The following STAU2 variants were observed in gnomAD, a reference collection of about 807,000 sequenced individuals.
STAU2 encodes the protein double-stranded RNA-binding protein Staufen homolog 2.
A neutral mutation model predicts 65.9 loss-of-function variants in STAU2; 20 were observed. The observed-to-expected ratio is 0.30, with a 90% CI of 0.21 to 0.44. The LOEUF is 0.44. Ranked by LOEUF, STAU2 falls within the 20% of genes least tolerant of loss-of-function variation. STAU2 has a pLI of 1.00. For synonymous variants in STAU2, 232 were observed against 233.9 expected, an observed-to-expected ratio of 0.99 and a Z score of 0.07; for missense variants, 558 against 683.9, an observed-to-expected ratio of 0.82 and a Z score of 2.05.
At chr8:73,603,967 T>A in intron 9 of STAU2, 104 bp from the exon 10 acceptor site, 1 of 1,220,580 alleles carries the variant, frequency 8.2e-7, no homozygotes, top group Non-Finnish European at 1.1e-6. Context: ...ACCCCAAAAC[T>A]GTGACTAGAA....
At position 73,552,149 on chromosome 8, in the gene STAU2, C is replaced by A; in HGVS notation, c.1393G>T (p.Ala465Ser). Residue 465 changes from alanine to serine, a missense_variant, in exon 13 of 15, where the codon GCC becomes TCC. By Grantham distance (99) the Ala-to-Ser change is moderately conservative. Around this residue, in one of 3 missense-constraint regions of STAU2, gnomAD observed 247 missense variants for 270.1 expected, o/e 0.91. Transcript: ENST00000524300. Reference protein sequence around the residue: ...SPTSNSSATIARELLMNGTSS... With the variant: ...SPTSNSSATISRELLMNGTSS... ...GTTCCATTCATAAGGAGTTCCCTGG[C>A]AATTGTAGCTGAACTATTCGATGTG... 1.2e-6 allele frequency: 2 copies of A among 1,613,898 alleles called. No individual in the cohort carries two copies. The highest frequency in any genetic ancestry group is 1.7e-6 in the Non-Finnish European group (2 of 1,179,860).
chr8:73,507,821 C>A (rs1822158437), intron 13 of STAU2, among the ~76,000 whole-genome samples: 1 of 152,190 alleles, frequency 6.6e-6, no homozygotes, highest in Admixed American at 6.5e-5. Context: ...TAACTTGCTG[C>A]AGCTTCTACA....
Position 73,673,092 on chromosome 8 carries a change from A to G in STAU2, c.410+15T>C, listed in dbSNP as rs115226636. The G allele has an allele frequency of 1.1e-3, 1,769 of 1,541,182 alleles. 21 individuals carry two copies. In the African/African-American group the frequency reaches 0.02, roughly 17 times the overall value. The stretch of plus-strand genomic sequence containing the variant: ...AAATAATAATTAAGAACAAAACCAA[A>G]AAAGACATACAAACCTCTGATTGTA... On this transcript the variant is annotated intron_variant, in intron 6 of 14. Coordinates refer to ENST00000524300, the MANE Select transcript of STAU2 (RefSeq NM_001164380.2).
At chr8:73,524,082 A>T (rs1433997179) in intron 13 of STAU2, among the ~76,000 whole-genome samples, 2 of 152,160 alleles carry the variant, frequency 1.3e-5, no homozygotes, top group African/African-American at 4.8e-5. Flanking sequence ...CAGTGGAGCA[A>T]AGGTAGAAAA....
chr8:73,737,222 G>A (rs890785400), intron 3 of STAU2, among the ~76,000 whole-genome samples: 8 of 151,056 alleles, frequency 5.3e-5, no homozygotes, highest in Non-Finnish European at 1.0e-4. Context: ...CCAGGGTGGA[G>A]TGCAATGGCA....
chr8:73,668,120 G>T (rs1484428750), intron 6 of STAU2, among the ~76,000 whole-genome samples: 1 of 152,068 alleles, frequency 6.6e-6, no homozygotes, highest in African/African-American at 2.4e-5. Flanking sequence ...CCAAGTGTTT[G>T]TGGGGACTTT....
chr8:73,618,657 C>T (rs1813011539), intron 6 of STAU2, among the ~76,000 whole-genome samples: 1 of 152,214 alleles, frequency 6.6e-6, no homozygotes, highest in Non-Finnish European at 1.5e-5. Context: ...TTGGAATAAC[C>T]ATCTGACTAC....
At chr8:73,559,230 T>C (rs1041762823) in intron 12 of STAU2, among the ~76,000 whole-genome samples, 12 of 152,208 alleles carry the variant, frequency 7.9e-5, no homozygotes, top group Non-Finnish European at 1.5e-4. Flanking sequence ...TTATAACTTC[T>C]TGTGAGTCTA....
intron 13 of STAU2, among the ~76,000 whole-genome samples, chr8:73,509,620 T>A (rs1430822288): frequency 1.3e-5 from 2 of 152,084 alleles, no homozygotes; most frequent in African/African-American, 4.8e-5. Context: ...AATTCACAGA[T>A]TGGATATTAA....
intron 11 of STAU2, among the ~76,000 whole-genome samples, chr8:73,592,917 C>G (rs1007000755): frequency 2.0e-5 from 3 of 152,162 alleles, no homozygotes; most frequent in Non-Finnish European, 4.4e-5. Flanking sequence ...TTGCCACACT[C>G]ATCAAAAGTC....
intron 3 of STAU2, among the ~76,000 whole-genome samples, chr8:73,737,007 G>A (rs1806478343): frequency 6.6e-6 from 1 of 152,172 alleles, no homozygotes. Flanking sequence ...TGGGACTACA[G>A]GTGTGCACCA....
intron 13 of STAU2, among the ~76,000 whole-genome samples, chr8:73,480,976 T>C (rs529819168): frequency 1.3e-4 from 20 of 152,294 alleles, no homozygotes; most frequent in African/African-American, 4.1e-4. Context: ...GTAAATATTT[T>C]AAAATTCTTG....
chr8:73,616,264 G>C (rs1812827015), intron 7 of STAU2, among the ~76,000 whole-genome samples: 1 of 152,140 alleles, frequency 6.6e-6, no homozygotes, highest in Admixed American at 6.5e-5. Context: ...CATACTTCTG[G>C]AAGGCCTCAT....
intron 1 of STAU2, among the ~76,000 whole-genome samples, chr8:73,746,369 C>T (rs1410307033): frequency 6.6e-6 from 1 of 151,914 alleles, no homozygotes; most frequent in African/African-American, 2.4e-5. Context: ...CACTCGCCGT[C>T]CTCTCTTCCG....
intron 4 of STAU2, among the ~76,000 whole-genome samples, 157 bp from the exon 5 acceptor site, chr8:73,688,970 T>G (rs1400223377): frequency 6.6e-6 from 1 of 152,206 alleles, no homozygotes; most frequent in African/African-American, 2.4e-5. Flanking sequence ...CTCTACCTAG[T>G]GAAGAAATTT....
chr8:73,564,136 GT>G (rs1244405178), intron 12 of STAU2, among the ~76,000 whole-genome samples: 1 of 152,168 alleles, frequency 6.6e-6, no homozygotes, highest in African/African-American at 2.4e-5. Flanking sequence ...TGAGTGGAAT[GT>G]GCATCCAACA....
chr8:73,722,361 C>T (rs1014355671), intron 3 of STAU2, among the ~76,000 whole-genome samples: 6 of 152,160 alleles, frequency 3.9e-5, no homozygotes, highest in African/African-American at 1.4e-4. Context: ...AGTGTTCTTT[C>T]TTTCATGTAA....
At chr8:73,540,569 A>T (rs1358666260) in intron 13 of STAU2, among the ~76,000 whole-genome samples, 1 of 152,224 alleles carries the variant, frequency 6.6e-6, no homozygotes, top group African/African-American at 2.4e-5. Context: ...TTATTTGAAC[A>T]GATGTCAAGT....
chr8:73,627,442 G>A (rs1262147908), intron 6 of STAU2, among the ~76,000 whole-genome samples: 2 of 151,968 alleles, frequency 1.3e-5, no homozygotes, highest in Non-Finnish European at 2.9e-5. Flanking sequence ...CTCGTCACAG[G>A]GGCCTTCTTC....
Sources: allele counts gnomAD v4.1 joint callset (sites outside exome capture counted in the v4.1 genomes callset), GRCh38; gene constraint gnomAD v4.1.1; regional missense constraint gnomAD v4.1.1; transcripts MANE v1.5; gene names NCBI Gene and HGNC (gene_info 2026-07-23, HGNC 2026-07-21).